The following SERPIND1 variants were observed in gnomAD, a reference collection of about 807,000 sequenced individuals.
SERPIND1 encodes heparin cofactor 2.
Under a neutral mutation model 35.0 loss-of-function variants are expected in SERPIND1, and 34 were observed. The observed-to-expected ratio is 0.97, with a 90% CI of 0.74 to 1.29. The LOEUF is 1.29. Among genes scored for constraint, SERPIND1 ranks in the 50% most tolerant of loss-of-function variants. SERPIND1 has a pLI of 0.00. For synonymous variants in SERPIND1, 236 were observed against 241.1 expected (o/e 0.98, Z 0.19); for missense variants, 633 against 637.7 (o/e 0.99, Z 0.08).
chr22:20,781,529 T>G (rs1032269114), intron 2 of SERPIND1, among the ~76,000 whole-genome samples: 3 of 152,270 alleles, frequency 2.0e-5, no homozygotes, highest in Admixed American at 6.5e-5. Context: ...CCTCCTGATC[T>G]GTCCACACAC....
At chr22:20,785,748 T>A (rs1046576958) in intron 3 of SERPIND1, among the ~76,000 whole-genome samples, 4 of 152,158 alleles carry the variant, frequency 2.6e-5, no homozygotes, top group African/African-American at 9.7e-5. Flanking sequence ...GCTGCTAACC[T>A]TGAAGATAGG....
At position 20,786,896 on chromosome 22, in the gene SERPIND1, A is replaced by C; in HGVS notation, c.1330A>C (p.Thr444Pro). The stretch of plus-strand genomic sequence containing the variant: ...ACAGTTCAAGCACCAAGGCACGATC[A>C]CAGTGAACGAGGAAGGCACCCAAGC... Reference protein sequence around the residue: ...IDLFKHQGTITVNEEGTQATT... With the variant: ...IDLFKHQGTIPVNEEGTQATT... Residue 444 changes from threonine to proline, a missense_variant, in exon 5 of 5, where the codon ACA (threonine) becomes CCA (proline). By Grantham distance (38) the Thr-to-Pro change is conservative (BLOSUM62 -1). Coordinates refer to ENST00000215727, the MANE Select transcript of SERPIND1 (RefSeq NM_000185.4). 6.2e-7 allele frequency: 1 copy of C among 1,614,196 alleles called. No individual in the cohort carries two copies. The highest frequency in any genetic ancestry group is 8.5e-7 in the Non-Finnish European group (1 of 1,180,030).
chr22:20,786,431 G>A (rs538214257), intron 4 of SERPIND1, among the ~76,000 whole-genome samples: 23 of 152,260 alleles, frequency 1.5e-4, no homozygotes, highest in Middle Eastern at 3.4e-3. Flanking sequence ...CATGTGCTGC[G>A]GTCTGGGAAA....
chr22:20,780,083 C>T lies in SERPIND1; in HGVS notation c.771C>T (p.Ala257=). The T allele has an allele frequency of 6.2e-7, 1 of 1,614,136 alleles. No individual in the cohort carries two copies. The highest frequency in any genetic ancestry group is 8.5e-7 in the Non-Finnish European group (1 of 1,180,036). ...EAQIADFSDP[A]FISKTNNHIM... The stretch of plus-strand genomic sequence containing the variant: ...AGATAGCTGACTTCTCAGACCCTGC[C>T]TTCATATCAAAAACCAACAACCACA... Residue 257 remains alanine, a synonymous_variant, in exon 2 of 5, where the codon GCC becomes GCT. Coordinates refer to ENST00000215727, the MANE Select transcript of SERPIND1 (RefSeq NM_000185.4).
rs1252552768 is a variant in SERPIND1 at position 20,779,979 on chromosome 22, G to A, written c.667G>A (p.Asp223Asn). The stretch of plus-strand genomic sequence containing the variant: ...TGGGTACACACTGCGGTCAGTCAAT[G>A]ACCTTTATATCCAGAAGCAGTTTCC... ...NFGYTLRSVN[D>N]LYIQKQFPIL... is the part of the protein sequence containing the mutation. The change falls in exon 2 of 5, where the codon GAC (aspartate) becomes AAC (asparagine). Residue 223 changes from aspartate (D) to asparagine (N), a missense_variant. By Grantham distance (23) the Asp-to-Asn change is conservative. Transcript: ENST00000215727. The A allele has an allele frequency of 1.2e-6, 2 of 1,614,164 alleles. No homozygotes were observed. Among genetic ancestry groups the A allele is most frequent in the East Asian group, 2.2e-5 (1 of 44,880 alleles).
At chr22:20,785,534 C>T (rs1430420402) in intron 3 of SERPIND1, among the ~76,000 whole-genome samples, 2 of 152,174 alleles carry the variant, frequency 1.3e-5, no homozygotes, top group Admixed American at 1.3e-4. Flanking sequence ...TTGCTATCCG[C>T]CCCCTTAGGG....
chr22:20,782,563 C>G (rs1274243892), intron 2 of SERPIND1, among the ~76,000 whole-genome samples: 2 of 152,148 alleles, frequency 1.3e-5, no homozygotes, highest in South Asian at 2.1e-4. Flanking sequence ...TAAACAGAGG[C>G]AGGCTCTCAT....
intron 2 of SERPIND1, among the ~76,000 whole-genome samples, chr22:20,780,976 G>A (rs1011816508): frequency 6.6e-6 from 1 of 152,044 alleles, no homozygotes; most frequent in African/African-American, 2.4e-5. Context: ...CAGGAATATA[G>A]ACAAAAGGCT....
chr22:20,776,291 T>A (rs1933265344), intron 1 of SERPIND1, among the ~76,000 whole-genome samples: 1 of 152,100 alleles, frequency 6.6e-6, no homozygotes, highest in South Asian at 2.1e-4. Context: ...GCCACTGCAC[T>A]CCAGCCTGGG....
At chr22:20,784,392 C>A in intron 3 of SERPIND1, 147 bp downstream of exon 3, 1 of 1,126,726 alleles carries the variant, frequency 8.9e-7, no homozygotes, top group South Asian at 1.4e-5. Flanking sequence ...TTAATTCAGC[C>A]CCAATTTGTT....
Position 20,779,478 on chromosome 22 carries a change from C to G in SERPIND1, c.166C>G (p.Pro56Ala). Residue 56 changes from proline to alanine, a missense_variant, in exon 2 of 5, where the codon CCT becomes GCT. Pro to Ala is a conservative substitution (Grantham distance 27, BLOSUM62 -1). Transcript: ENST00000215727. ...NNKNLSMPLL[P>A]ADFHKENTVT... Reference sequence around the variant, plus strand: ...CAAAAACCTGAGCATGCCTCTTCTCCCTGCCGACTTCCACAAGGAAAACAC... The same window carrying G: ...CAAAAACCTGAGCATGCCTCTTCTCGCTGCCGACTTCCACAAGGAAAACAC... The G allele has an allele frequency of 6.2e-7, 1 of 1,614,168 alleles. No homozygotes were observed. The highest frequency in any genetic ancestry group is 2.2e-5 in the East Asian group (1 of 44,876).
At position 20,784,094 on chromosome 22, in the gene SERPIND1, C is replaced by A. The variant is rs768455476; in HGVS notation, c.1012C>A (p.Gln338Lys). ...GGGGAACTTCCTCGCAGCAAATGAC[C>A]AGGAGCTGGACTGCGACATCCTCCA... ...TKGNFLAANDQELDCDILQLE... is the reference protein window; with the variant it reads ...TKGNFLAANDKELDCDILQLE... Residue 338 changes from glutamine to lysine, a missense_variant, in exon 3 of 5, where the codon CAG becomes AAG. Gln to Lys is a moderately conservative substitution (Grantham distance 53). Coordinates refer to ENST00000215727, the MANE Select transcript of SERPIND1 (RefSeq NM_000185.4). 3 of 1,614,102 alleles carry A rather than the reference C, an allele frequency of 1.9e-6. No homozygotes were observed. The highest frequency in any genetic ancestry group is 2.5e-6 in the Non-Finnish European group (3 of 1,180,016).
chr22:20,779,776 C>A lies in SERPIND1; in HGVS notation c.464C>A (p.Pro155His). 6.2e-7 allele frequency: 1 copy of A among 1,614,184 alleles called. No homozygotes were observed. The highest frequency in any genetic ancestry group is 1.1e-5 in the South Asian group (1 of 91,084). Residue 155 changes from proline (P) to histidine (H), a missense_variant, in exon 2 of 5, where the codon CCC (proline) becomes CAC (histidine). By Grantham distance (77) the Pro-to-His change is moderately conservative. Coordinates refer to ENST00000215727, the MANE Select transcript of SERPIND1 (RefSeq NM_000185.4). ...VNTFDNIFIA[P>H]VGISTAMGMI... ...ACTTTCGATAACATCTTCATAGCAC[C>A]CGTTGGCATTTCTACTGCGATGGGT...
chr22:20,779,572 G>A lies in SERPIND1; in HGVS notation c.260G>A (p.Ser87Asn), dbSNP rs34324685. ...DDYLDLEKIF[S>N]EDDDYIDIVD... ...TATCTGGACCTGGAGAAGATATTCA[G>A]TGAAGACGACGACTACATCGACATC... The change falls in exon 2 of 5, where the codon AGT becomes AAT. Residue 87 changes from serine to asparagine, a missense_variant. Ser to Asn is a conservative substitution (Grantham distance 46). Transcript: ENST00000215727. 1.3e-3 allele frequency: 2,175 copies of A among 1,614,212 alleles called. 21 individuals are homozygous for A. In the African/African-American group the frequency reaches 0.026, roughly 19 times the overall value.
intron 1 of SERPIND1, among the ~76,000 whole-genome samples, chr22:20,774,938 A>G (rs746102071): frequency 4.6e-5 from 7 of 152,148 alleles, no homozygotes; most frequent in Non-Finnish European, 1.0e-4. Context: ...AAACCTGGTA[A>G]ATCTCGGTAC....
At chr22:20,785,908 G>A in intron 3 of SERPIND1, 96 bp from the exon 4 acceptor site, 1 of 1,535,100 alleles carries the variant, frequency 6.5e-7, no homozygotes, top group Non-Finnish European at 9.0e-7. Context: ...TCAATTCTGT[G>A]ATAAATATAA....
intron 1 of SERPIND1, among the ~76,000 whole-genome samples, chr22:20,774,811 T>A (rs1481906894): frequency 6.7e-6 from 1 of 149,302 alleles, no homozygotes; most frequent in African/African-American, 2.5e-5. Flanking sequence ...GAACAAGATA[T>A]AGGAGACCTA....
intron 3 of SERPIND1, among the ~76,000 whole-genome samples, chr22:20,785,035 C>T (rs2147510561): frequency 6.6e-6 from 1 of 151,816 alleles, no homozygotes; most frequent in African/African-American, 2.4e-5. Flanking sequence ...TTCCTCCCTG[C>T]AGCCCGGCAG....
At position 20,779,526 on chromosome 22, in the gene SERPIND1, G is replaced by C. The variant is rs765822510; in HGVS notation, c.214G>C (p.Glu72Gln). The C allele has an allele frequency of 1.2e-6, 2 of 1,613,984 alleles. No individual in the cohort carries two copies. The highest frequency in any genetic ancestry group is 1.7e-6 in the Non-Finnish European group (2 of 1,179,806). Residue 72 changes from glutamate to glutamine, a missense_variant, in exon 2 of 5, where the codon GAG becomes CAG. Transcript: ENST00000215727. ...ENTVTNDWIP[E>Q]GEEDDDYLDL... is the part of the protein sequence containing the mutation. ...CACCGTCACCAACGACTGGATTCCA[G>C]AGGGGGAGGAGGACGACGACTATCT...
Sources: gnomAD v4.1 joint callset for allele counts (sites outside exome capture counted in the v4.1 genomes callset) on GRCh38, gnomAD v4.1.1 for gene constraint, MANE v1.5 for transcripts, NCBI Gene and HGNC (gene_info 2026-07-23, HGNC 2026-07-21) for gene names.